Variants in MTAP observed in about 807,000 individuals in gnomAD.
MTAP encodes methylthioadenosine phosphorylase, also known as S-methyl-5'-thioadenosine phosphorylase.
MTAP carries 33 observed loss-of-function variants against 33.6 expected under a neutral mutation model. The ratio of observed to expected loss-of-function variants is 0.98; its 90% CI spans 0.74 to 1.31. The LOEUF (loss-of-function observed/expected upper bound fraction) is 1.31. MTAP is among the 40% of genes most tolerant of loss of function. The probability of loss-of-function intolerance (pLI) is 0.00; values close to 1 mark genes in which losing one functional copy is unlikely to be tolerated. For synonymous variants in MTAP, 148 were observed against 125.7 expected (o/e 1.18, Z -1.19); for missense variants, 367 against 360.0 (o/e 1.02, Z -0.16).
rs184223807 is a variant in MTAP at position 21,898,890 on chromosome 9, C to T, written c.148-32118C>T. Among the ~76,000 whole-genome samples, 205 of 152,168 alleles carry T rather than the reference C, an allele frequency of 1.3e-3. 1 individual carries two copies. Among genetic ancestry groups the T allele is most frequent in the Admixed American group, 2.5e-3 (38 of 15,292 alleles). ...CAGCCATCCCATTACTGGGTATATA[C>T]CCAAAGGATTATAAATCATGCTGTT... is the stretch of plus-strand genomic sequence containing the variant. On this transcript the variant is annotated intron_variant, in intron 1 of 1. Coordinates refer to the MTAP transcript ENST00000577563.
At chr9:21,909,905 C>T (rs1818542580) in intron 1 of MTAP, among the ~76,000 whole-genome samples, 1 of 152,052 alleles carries the variant, frequency 6.6e-6, no homozygotes, top group Admixed American at 6.6e-5. Flanking sequence ...GTGGCATAAC[C>T]AGAATTCAGA....
At chr9:21,900,410 C>A (rs553941314) in intron 1 of MTAP, among the ~76,000 whole-genome samples, 53 of 152,172 alleles carry the variant, frequency 3.5e-4, no homozygotes, top group African/African-American at 1.2e-3. Flanking sequence ...AAGCATATGA[C>A]AAAAATGCTC....
At chr9:21,897,319 A>T (rs1818313058) in intron 1 of MTAP, among the ~76,000 whole-genome samples, 1 of 152,202 alleles carries the variant, frequency 6.6e-6, no homozygotes. Flanking sequence ...GAAAACTGGC[A>T]CAAAACAGGG....
intron 1 of MTAP, among the ~76,000 whole-genome samples, chr9:21,891,498 C>T (rs1224357331): frequency 6.6e-6 from 1 of 151,942 alleles, no homozygotes; most frequent in Non-Finnish European, 1.5e-5. Context: ...TCCATAATAC[C>T]ATCAGGATTA....
chr9:21,919,852 G>GA (rs1418814976), intron 1 of MTAP, among the ~76,000 whole-genome samples: 10 of 151,028 alleles, frequency 6.6e-5, no homozygotes, highest in South Asian at 2.1e-4. Flanking sequence ...TTCCTGTTTA[G>GA]AAAAAAAAAG....
At chr9:21,834,249 A>G (rs982503646) in intron 4 of MTAP, among the ~76,000 whole-genome samples, 36 of 152,328 alleles carry the variant, frequency 2.4e-4, no homozygotes, top group African/African-American at 8.2e-4. Flanking sequence ...AAGGAAACTG[A>G]TATAACTGAG....
intron 1 of MTAP, among the ~76,000 whole-genome samples, chr9:21,923,037 A>T (rs1421993023): frequency 6.6e-6 from 1 of 152,094 alleles, no homozygotes; most frequent in Non-Finnish European, 1.5e-5. Flanking sequence ...CACACTGTCT[A>T]CCTCAGGGGC....
intron 1 of MTAP, among the ~76,000 whole-genome samples, chr9:21,911,561 A>C (rs1369859159): frequency 6.6e-6 from 1 of 152,220 alleles, no homozygotes; most frequent in Non-Finnish European, 1.5e-5. Flanking sequence ...GGCAGAAATA[A>C]AAATGTTCTT....
At chr9:21,814,477 G>C (rs939336790) in intron 1 of MTAP, among the ~76,000 whole-genome samples, 2 of 152,058 alleles carry the variant, frequency 1.3e-5, no homozygotes, top group Non-Finnish European at 2.9e-5. Context: ...GCCTGGCACT[G>C]TTTACTCTCT....
chr9:21,839,920 G>A (rs1825201129), intron 5 of MTAP, among the ~76,000 whole-genome samples: 1 of 152,148 alleles, frequency 6.6e-6, no homozygotes, highest in African/African-American at 2.4e-5. Flanking sequence ...AGGAAACAGG[G>A]AAGATGGCAG....
chr9:21,852,449 G>T (rs923956264), intron 5 of MTAP, among the ~76,000 whole-genome samples: 15 of 150,060 alleles, frequency 1.0e-4, no homozygotes, highest in African/African-American at 3.5e-4. Flanking sequence ...GGCAGAGGTT[G>T]CAGTGAGCCA....
At chr9:21,823,152 T>C (rs1370179019) in intron 4 of MTAP, among the ~76,000 whole-genome samples, 1 of 152,234 alleles carries the variant, frequency 6.6e-6, no homozygotes, top group Non-Finnish European at 1.5e-5. Flanking sequence ...TTGTTATGTG[T>C]GAATTTGATC....
At chr9:21,937,946 C>T (rs957623757), downstream of MTAP, among the ~76,000 whole-genome samples, 1 of 151,966 alleles carries the variant, frequency 6.6e-6, no homozygotes, top group Admixed American at 6.6e-5. Flanking sequence ...TTGAGACCAG[C>T]GTGAGTAACA....
chr9:21,838,004 G>T lies in MTAP; in HGVS notation c.444G>T (p.Thr148=), dbSNP rs201784017. 5 of 1,613,544 alleles carry T rather than the reference G, an allele frequency of 3.1e-6. No homozygotes were observed. Among genetic ancestry groups the T allele is most frequent in the Non-Finnish European group, 4.2e-6 (5 of 1,179,482 alleles). Residue 148 remains threonine, a synonymous_variant, in exon 5 of 8, where the codon ACG becomes ACT. Coordinates refer to ENST00000644715, the MANE Select transcript of MTAP (RefSeq NM_002451.4). ...TGGCTGAGCCGTTTTGCCCCAAAACGAGAGAGGTGTGTAGTCTTTCTGGAA... is the reference window on the plus strand; with the variant it reads ...TGGCTGAGCCGTTTTGCCCCAAAACTAGAGAGGTGTGTAGTCTTTCTGGAA... ...IPMAEPFCPK[T]REVLIETAKK... is the part of the protein sequence containing the mutation.
intron 5 of MTAP, among the ~76,000 whole-genome samples, chr9:21,846,526 C>T (rs1286352971): frequency 1.3e-5 from 2 of 152,070 alleles, no homozygotes; most frequent in African/African-American, 4.8e-5. Context: ...CAAATTAAAA[C>T]CACAATGCGA....
chr9:21,938,699 T>C (rs1819085614), downstream of MTAP, among the ~76,000 whole-genome samples: 2 of 152,140 alleles, frequency 1.3e-5, no homozygotes, highest in Admixed American at 6.5e-5. Flanking sequence ...TTTCATCAGA[T>C]CTTTAACCAT....
intron 1 of MTAP, among the ~76,000 whole-genome samples, chr9:21,872,354 C>A (rs1449659373): frequency 1.3e-5 from 2 of 152,156 alleles, no homozygotes; most frequent in Non-Finnish European, 2.9e-5. Flanking sequence ...TGCTCTCAAT[C>A]TTTTGATTGA....
intron 1 of MTAP, among the ~76,000 whole-genome samples, chr9:21,924,519 C>T (rs1163729252): frequency 2.0e-5 from 3 of 152,186 alleles, no homozygotes; most frequent in Non-Finnish European, 2.9e-5. Flanking sequence ...TATGTACAGG[C>T]CCTAAGAAAC....
chr9:21,913,180 A>G (rs1410502087), intron 1 of MTAP, among the ~76,000 whole-genome samples: 2 of 152,242 alleles, frequency 1.3e-5, no homozygotes, highest in African/African-American at 4.8e-5. Flanking sequence ...GGAAGAATCA[A>G]TATCGTGAAA....
Sources: gnomAD v4.1 joint callset for allele counts (sites outside exome capture counted in the v4.1 genomes callset) on GRCh38, gnomAD v4.1.1 for gene constraint, MANE v1.5 for transcripts, NCBI Gene and HGNC (gene_info 2026-07-23, HGNC 2026-07-21) for gene names.